The following RBPJ variants were observed in gnomAD, a reference collection of about 807,000 sequenced individuals.
RBPJ encodes recombining binding protein suppressor of hairless.
In RBPJ, 9 loss-of-function variants were observed where a neutral mutation model predicts 67.8. That is an observed-to-expected ratio of 0.13 (90% confidence interval 0.08 to 0.23). RBPJ has a LOEUF of 0.23. Ranked by LOEUF, RBPJ falls within the 10% of genes least tolerant of loss-of-function variation. The pLI, the probability that RBPJ is intolerant of heterozygous loss-of-function variation, is 1.00. For synonymous variants in RBPJ, 198 were observed against 203.3 expected, an observed-to-expected ratio of 0.97 and a Z score of 0.22; for missense variants, 305 against 595.6, an observed-to-expected ratio of 0.51 and a Z score of 5.08.
chr4:26,285,077 G>C (rs1721417532), intron 1 of RBPJ, among the ~76,000 whole-genome samples: 1 of 151,526 alleles, frequency 6.6e-6, no homozygotes, highest in African/African-American at 2.4e-5. Flanking sequence ...GGCTGATCTC[G>C]AACTCCTGAC....
rs1213565970 is a variant in RBPJ, at chr4:26,380,546, TATC to T, written c.21-5804_21-5802del. ...TCATTTAACTTTTCATACTATTTGT[TATC>T]ATAGAATATAGTAATAATGTATATC... On this transcript the variant is annotated intron_variant, in intron 1 of 10. Transcript: ENST00000355476. 1.3e-4 allele frequency among the ~76,000 whole-genome samples: 20 copies of T among 152,310 alleles called. 1 individual carries two copies. The highest frequency in any genetic ancestry group is 9.6e-5 in the African/African-American group (4 of 41,578).
chr4:26,340,974 C>T (rs191755842), intron 1 of RBPJ, among the ~76,000 whole-genome samples: 30 of 151,488 alleles, frequency 2.0e-4, no homozygotes, highest in Non-Finnish European at 1.9e-4. Flanking sequence ...GCTTTTTAGA[C>T]GCCCAAGAGG....
At chr4:26,273,714 A>C (rs6831303) in intron 1 of RBPJ, among the ~76,000 whole-genome samples, 11 of 152,260 alleles carry the variant, frequency 7.2e-5, no homozygotes, top group African/African-American at 2.6e-4. Flanking sequence ...CCCCTCCTCC[A>C]CTTTCAGGAA....
intron 1 of RBPJ, among the ~76,000 whole-genome samples, chr4:26,187,999 C>T (rs924716204): frequency 6.6e-6 from 1 of 152,074 alleles, no homozygotes; most frequent in Non-Finnish European, 1.5e-5. Flanking sequence ...TGCACTCCAG[C>T]CTGGGCAACA....
chr4:26,348,993 T>C (rs965015456), intron 1 of RBPJ, among the ~76,000 whole-genome samples: 1 of 152,154 alleles, frequency 6.6e-6, no homozygotes, highest in African/African-American at 2.4e-5. Context: ...AGGCGTGAGC[T>C]ACCATGCCTG....
chr4:26,283,772 G>A (rs573442765), intron 1 of RBPJ, among the ~76,000 whole-genome samples: 2 of 150,808 alleles, frequency 1.3e-5, no homozygotes, highest in East Asian at 4.0e-4. Context: ...TCAGCCTCCC[G>A]AGTAGCTAGG....
At chr4:26,201,835 C>T (rs751934237) in intron 1 of RBPJ, among the ~76,000 whole-genome samples, 1 of 152,204 alleles carries the variant, frequency 6.6e-6, no homozygotes, top group Non-Finnish European at 1.5e-5. Context: ...CTGAGTCACA[C>T]AAGAAACTCA....
intron 1 of RBPJ, among the ~76,000 whole-genome samples, chr4:26,280,290 G>A (rs1054686331): frequency 6.6e-6 from 1 of 151,418 alleles, no homozygotes; most frequent in Non-Finnish European, 1.5e-5. Context: ...CAGCTACTCA[G>A]GAGGCTGAGG....
chr4:26,342,234 C>T (rs1378883468), intron 1 of RBPJ, among the ~76,000 whole-genome samples: 1 of 131,056 alleles, frequency 7.6e-6, no homozygotes, highest in Non-Finnish European at 1.6e-5. Context: ...TGAGTATATA[C>T]ATTAGTACAA....
intron 1 of RBPJ, among the ~76,000 whole-genome samples, chr4:26,346,757 C>T (rs1257106854): frequency 4.6e-5 from 7 of 152,014 alleles, no homozygotes; most frequent in African/African-American, 7.2e-5. Flanking sequence ...TTTGGAAGGC[C>T]GAGGCGGGTG....
chr4:26,391,506 A>T (rs1018056955), intron 2 of RBPJ, among the ~76,000 whole-genome samples: 2 of 152,134 alleles, frequency 1.3e-5, no homozygotes, highest in East Asian at 1.9e-4. Context: ...GTACCATATT[A>T]AAAAAATAGC....
chr4:26,422,437 A>G (rs566052207), intron 5 of RBPJ, among the ~76,000 whole-genome samples: 91 of 152,326 alleles, frequency 6.0e-4, no homozygotes, highest in Non-Finnish European at 1.1e-3. Context: ...GGACTTTGCC[A>G]TATCAGCTAT....
chr4:26,422,709 C>A (rs1010637173), intron 5 of RBPJ, among the ~76,000 whole-genome samples: 4 of 152,152 alleles, frequency 2.6e-5, no homozygotes, highest in African/African-American at 7.2e-5. Flanking sequence ...CAAACACTCT[C>A]AAGTAGACAG....
chr4:26,429,879 A>G lies in RBPJ; in HGVS notation c.889-19A>G. On this transcript the variant is annotated intron_variant, in intron 8 of 10. Transcript: ENST00000355476. ...ACAAACTGTATAAAACTTAGTTTCT[A>G]AACTTCTTTCTTTATTAGGCCACTC... 1 of 1,607,854 alleles carries G rather than the reference A, an allele frequency of 6.2e-7. No individual in the cohort carries two copies. Among genetic ancestry groups the G allele is most frequent in the South Asian group, 1.1e-5 (1 of 90,876 alleles).
chr4:26,185,611 A>G (rs1470655458), intron 1 of RBPJ, among the ~76,000 whole-genome samples: 1 of 152,208 alleles, frequency 6.6e-6, no homozygotes, highest in Non-Finnish European at 1.5e-5. Flanking sequence ...CTTCTGAATA[A>G]GGCATTTGTA....
chr4:26,381,405 C>T (rs576006078), intron 1 of RBPJ, among the ~76,000 whole-genome samples: 3 of 151,950 alleles, frequency 2.0e-5, no homozygotes, highest in Non-Finnish European at 4.4e-5. Context: ...AGGTAGGAAG[C>T]ACCATGTTTA....
the RBPJ span, among the ~76,000 whole-genome samples, chr4:26,130,101 A>G: frequency 1.3e-5 from 2 of 152,096 alleles, no homozygotes; most frequent in African/African-American, 4.8e-5. Context: ...TCCTTAAGTG[A>G]TCCTCCTGCC....
chr4:26,387,827 G>GA (rs1316068543), intron 2 of RBPJ, among the ~76,000 whole-genome samples: 2 of 152,170 alleles, frequency 1.3e-5, no homozygotes, highest in African/African-American at 4.8e-5. Context: ...AGCCAGAGTG[G>GA]AAAAATCTCA....
chr4:26,109,664 CTCTCTA>C, the RBPJ span, among the ~76,000 whole-genome samples: 1 of 63,610 alleles, frequency 1.6e-5, no homozygotes, highest in African/African-American at 5.8e-5. Flanking sequence ...CTCTCTCTCT[CTCTCTA>C]TATATATATA....
Sources: allele counts gnomAD v4.1 joint callset (sites outside exome capture counted in the v4.1 genomes callset), GRCh38; gene constraint gnomAD v4.1.1; transcripts MANE v1.5; gene names NCBI Gene and HGNC (gene_info 2026-07-23, HGNC 2026-07-21).